Variants in ZNF560 observed in about 807,000 individuals in gnomAD.
ZNF560 encodes zinc finger protein 560.
In ZNF560, 54 loss-of-function variants were observed where a neutral mutation model predicts 81.8. The ratio of observed to expected loss-of-function variants is 0.66; its 90% CI spans 0.53 to 0.83. ZNF560 has a LOEUF of 0.83. ZNF560 is among the 40% of genes least tolerant of loss of function. The pLI is 0.00. For synonymous variants in ZNF560, 321 were observed against 317.9 expected (o/e 1.01, Z -0.10); for missense variants, 940 against 932.4 (o/e 1.01, Z -0.11).
the ZNF560 span, among the ~76,000 whole-genome samples, chr19:9,447,764 A>G: frequency 6.6e-6 from 1 of 152,184 alleles, no homozygotes; most frequent in Non-Finnish European, 1.5e-5. Context: ...AGAGAAAGAG[A>G]AAAAGTAAGC....
the ZNF560 span, among the ~76,000 whole-genome samples, chr19:9,451,856 C>G: frequency 0.012 from 1,822 of 152,286 alleles, 37 homozygotes; most frequent in African/African-American, 0.042. Context: ...AGGAGGATAA[C>G]TTGAGTTCAG....
At chr19:9,448,150 G>A in the ZNF560 span, among the ~76,000 whole-genome samples, 1 of 152,104 alleles carries the variant, frequency 6.6e-6, no homozygotes, top group Admixed American at 6.5e-5. Context: ...CTAGAGACAA[G>A]CAATCACTAA....
At chr19:9,458,458 G>A in the ZNF560 span, among the ~76,000 whole-genome samples, 1 of 152,222 alleles carries the variant, frequency 6.6e-6, no homozygotes, top group African/African-American at 2.4e-5. Context: ...GGCTGTAATT[G>A]AGGCATTGAC....
chr19:9,470,258 A>T (rs1434645414), intron 7 of ZNF560, 134 bp downstream of exon 7: 39 of 1,110,256 alleles, frequency 3.5e-5, no homozygotes, highest in Non-Finnish European at 5.0e-5. Context: ...TATTTTACTC[A>T]TTAAAAAAAA....
the ZNF560 span, among the ~76,000 whole-genome samples, chr19:9,458,509 T>C: frequency 6.6e-6 from 1 of 152,238 alleles, no homozygotes; most frequent in Non-Finnish European, 1.5e-5. Context: ...TGATTCTTCA[T>C]ATGTGGTTCT....
chr19:9,477,381 TTGTTATTACTC>T (rs1179794520), intron 2 of ZNF560, among the ~76,000 whole-genome samples: 1 of 152,168 alleles, frequency 6.6e-6, no homozygotes, highest in African/African-American at 2.4e-5. Context: ...TCCTCTGTGG[TTGTTATTACTC>T]CCCCATAATG....
chr19:9,500,586 T>A (rs2073625560), upstream of ZNF560, among the ~76,000 whole-genome samples: 1 of 152,060 alleles, frequency 6.6e-6, no homozygotes, highest in Non-Finnish European at 1.5e-5. Context: ...TTTCTTAATT[T>A]TTTTTTTGAG....
At chr19:9,477,532 G>C in intron 2 of ZNF560, among the ~76,000 whole-genome samples, 1 of 152,138 alleles carries the variant, frequency 6.6e-6, no homozygotes, top group East Asian at 1.9e-4. Context: ...TTCCAACTCT[G>C]GTTGCTTCAA....
At chr19:9,462,357 C>T (rs577561003), downstream of ZNF560, among the ~76,000 whole-genome samples, 5 of 152,322 alleles carry the variant, frequency 3.3e-5, no homozygotes, top group East Asian at 9.6e-4. Context: ...GCTCCTGCTG[C>T]AGATAACAAG....
chr19:9,454,379 A>G, the ZNF560 span, among the ~76,000 whole-genome samples: 1 of 152,174 alleles, frequency 6.6e-6, no homozygotes, highest in Non-Finnish European at 1.5e-5. Context: ...TCCATGACCA[A>G]GCTGGTCTCA....
the ZNF560 span, among the ~76,000 whole-genome samples, chr19:9,505,421 ATTTCTTGTAGACAG>A: frequency 6.6e-6 from 1 of 152,198 alleles, no homozygotes; most frequent in Non-Finnish European, 1.5e-5. Flanking sequence ...TATAAAGTGA[ATTTCTTGTAGACAG>A]AATACGATTT....
chr19:9,454,911 G>A, the ZNF560 span, among the ~76,000 whole-genome samples: 1 of 152,142 alleles, frequency 6.6e-6, no homozygotes, highest in African/African-American at 2.4e-5. Flanking sequence ...ACCACTTAAA[G>A]AGACCCAAGA....
chr19:9,491,514 G>A (rs1176654269), intron 2 of ZNF560, among the ~76,000 whole-genome samples: 1 of 151,874 alleles, frequency 6.6e-6, no homozygotes, highest in Non-Finnish European at 1.5e-5. Flanking sequence ...CCAAAATTAG[G>A]TGCAACACTT....
At chr19:9,477,711 T>TC (rs2073224667) in intron 2 of ZNF560, among the ~76,000 whole-genome samples, 1 of 152,212 alleles carries the variant, frequency 6.6e-6, no homozygotes. Flanking sequence ...TCATGAGTTC[T>TC]CTTTTTCCTA....
chr19:9,447,077 T>A, the ZNF560 span, among the ~76,000 whole-genome samples: 3 of 135,616 alleles, frequency 2.2e-5, no homozygotes, highest in African/African-American at 8.6e-5. Context: ...GAGGTTGCAG[T>A]GGGCCAAGAT....
At chr19:9,471,274 A>C (rs776058918) in intron 6 of ZNF560, 22 bp downstream of exon 6, 1 of 1,535,500 alleles carries the variant, frequency 6.5e-7, no homozygotes, top group Non-Finnish European at 8.8e-7. Flanking sequence ...GAAAAATAAG[A>C]AATACCCTTT....
chr19:9,476,555 G>A (rs1395217915), intron 2 of ZNF560, among the ~76,000 whole-genome samples: 1 of 152,130 alleles, frequency 6.6e-6, no homozygotes, highest in Non-Finnish European at 1.5e-5. Flanking sequence ...CTCCCAAAGT[G>A]CTGGGATTAC....
chr19:9,460,940 T>C, the ZNF560 span, among the ~76,000 whole-genome samples: 2 of 152,162 alleles, frequency 1.3e-5, no homozygotes, highest in African/African-American at 2.4e-5. Context: ...GGCCACACTA[T>C]GTTCAGCTGG....
intron 5 of ZNF560, among the ~76,000 whole-genome samples, chr19:9,472,460 C>G (rs546006134): frequency 6.6e-6 from 1 of 152,300 alleles, no homozygotes; most frequent in Admixed American, 6.5e-5. Flanking sequence ...AGCTCCGCCT[C>G]TTGTCAGATC....
Sources: allele counts gnomAD v4.1 joint callset (sites outside exome capture counted in the v4.1 genomes callset), GRCh38; gene constraint gnomAD v4.1.1; transcripts MANE v1.5; gene names NCBI Gene and HGNC (gene_info 2026-07-23, HGNC 2026-07-21).